Variants in OLFM3 observed in about 807,000 individuals in gnomAD.
The protein encoded by OLFM3 is olfactomedin 3, also known as noelin-3.
A neutral mutation model predicts 48.6 loss-of-function variants in OLFM3; 20 were observed. The ratio of observed to expected loss-of-function variants is 0.41; its 90% CI spans 0.29 to 0.60. The LOEUF is 0.60. OLFM3 is among the 20% of genes least tolerant of loss of function. The pLI, the probability that OLFM3 is intolerant of heterozygous loss-of-function variation, is 0.28. For synonymous variants in OLFM3, 222 were observed against 198.1 expected (o/e 1.12, Z -1.01); for missense variants, 437 against 544.3 (o/e 0.80, Z 1.96).
At chr1:101,925,626 C>T (rs908623165) in intron 1 of OLFM3, among the ~76,000 whole-genome samples, 6 of 152,066 alleles carry the variant, frequency 3.9e-5, no homozygotes, top group African/African-American at 1.4e-4. Context: ...TCAAGAAATT[C>T]TCCTGCTTCA....
intron 1 of OLFM3, among the ~76,000 whole-genome samples, chr1:101,849,708 G>A (rs1656150671): frequency 6.6e-6 from 1 of 152,158 alleles, no homozygotes; most frequent in African/African-American, 2.4e-5. Context: ...TGTCAGTGAG[G>A]TTCAAAAGGA....
intron 1 of OLFM3, among the ~76,000 whole-genome samples, chr1:101,931,019 C>T (rs1230301165): frequency 1.3e-5 from 2 of 152,134 alleles, no homozygotes; most frequent in Non-Finnish European, 2.9e-5. Context: ...TTAATGGTGA[C>T]ATATACTCAC....
In OLFM3 at chr1:101,982,813, A is replaced by G. The variant is rs575855537; in HGVS notation, c.69+13935T>C. 3.3e-5 allele frequency among the ~76,000 whole-genome samples: 5 copies of G among 152,228 alleles called. No individual in the cohort carries two copies. In the South Asian group the frequency reaches 8.3e-4, roughly 25 times the overall value. ...GAACTATACCCTCTCCTTGGTGTCC[A>G]GCTTGCTAAATGAAGATCTGGGACT... On this transcript the variant is annotated intron_variant, in intron 1 of 5. Transcript: ENST00000370103.
intron 1 of OLFM3, among the ~76,000 whole-genome samples, chr1:101,906,554 A>G (rs768787954): frequency 6.6e-6 from 1 of 152,192 alleles, no homozygotes; most frequent in Non-Finnish European, 1.5e-5. Flanking sequence ...ATTTTAGCTT[A>G]GTAATCTTTT....
chr1:101,951,724 T>C (rs1459735582), intron 1 of OLFM3, among the ~76,000 whole-genome samples: 1 of 152,168 alleles, frequency 6.6e-6, no homozygotes, highest in African/African-American at 2.4e-5. Context: ...ATATTTTGCA[T>C]CTATAAAGGT....
chr1:101,908,350 G>C (rs1285643155), intron 1 of OLFM3, among the ~76,000 whole-genome samples: 1 of 152,178 alleles, frequency 6.6e-6, no homozygotes, highest in Non-Finnish European at 1.5e-5. Context: ...GCATTATGAG[G>C]AACAGTCCAA....
chr1:101,923,201 C>A (rs761847143), intron 1 of OLFM3, among the ~76,000 whole-genome samples: 1 of 152,122 alleles, frequency 6.6e-6, no homozygotes, highest in African/African-American at 2.4e-5. Flanking sequence ...ACCTGATTGC[C>A]CCAATGCATG....
intron 1 of OLFM3, among the ~76,000 whole-genome samples, chr1:101,905,714 T>G (rs897164389): frequency 2.0e-5 from 3 of 152,142 alleles, no homozygotes; most frequent in Non-Finnish European, 4.4e-5. Flanking sequence ...TGGTCATTAA[T>G]GCCTGAAATC....
At chr1:101,919,049 T>A (rs1659012365) in intron 1 of OLFM3, among the ~76,000 whole-genome samples, 1 of 152,142 alleles carries the variant, frequency 6.6e-6, no homozygotes, top group Non-Finnish European at 1.5e-5. Flanking sequence ...CTGTTACATA[T>A]CAACCACCTA....
intron 1 of OLFM3, among the ~76,000 whole-genome samples, chr1:101,924,099 T>G (rs1325076099): frequency 1.3e-5 from 2 of 152,194 alleles, no homozygotes; most frequent in African/African-American, 4.8e-5. Flanking sequence ...CTCCACAGTC[T>G]TCAGTGAAAA....
intron 1 of OLFM3, among the ~76,000 whole-genome samples, chr1:101,926,651 G>T (rs1054761466): frequency 6.6e-6 from 1 of 152,110 alleles, no homozygotes; most frequent in African/African-American, 2.4e-5. Context: ...GAATTTTTAG[G>T]CTCCTCCCTG....
intron 1 of OLFM3, among the ~76,000 whole-genome samples, chr1:101,906,110 T>G (rs1658542472): frequency 6.6e-6 from 1 of 152,138 alleles, no homozygotes; most frequent in Non-Finnish European, 1.5e-5. Context: ...AAACTGAAGA[T>G]GTTTCCTTGA....
intron 1 of OLFM3, among the ~76,000 whole-genome samples, chr1:101,866,872 T>C (rs1413307407): frequency 6.6e-6 from 1 of 152,164 alleles, no homozygotes; most frequent in Non-Finnish European, 1.5e-5. Context: ...TATTTATTGG[T>C]TTTACTACAT....
intron 1 of OLFM3, among the ~76,000 whole-genome samples, chr1:101,891,758 A>G (rs1312612102): frequency 1.3e-5 from 2 of 152,040 alleles, no homozygotes; most frequent in African/African-American, 4.8e-5. Flanking sequence ...ATGCAAAGCT[A>G]TCTACATTTA....
At chr1:101,861,382 G>C (rs140785475) in intron 1 of OLFM3, among the ~76,000 whole-genome samples, 1,945 of 152,308 alleles carry the variant, frequency 0.013, 142 homozygotes, top group Admixed American at 0.11. Context: ...ACTTTTGTCT[G>C]TCAGAAAGAA....
At chr1:101,928,996 G>A (rs544302838) in intron 1 of OLFM3, among the ~76,000 whole-genome samples, 9 of 152,222 alleles carry the variant, frequency 5.9e-5, no homozygotes, top group African/African-American at 2.2e-4. Context: ...TCTATGTAAA[G>A]AGCATGCATA....
Position 101,829,136 on chromosome 1 carries a change from C to T in OLFM3, c.372+1536G>A, listed in dbSNP as rs565425710. On this transcript the variant is annotated intron_variant, in intron 3 of 5. Transcript: ENST00000370103. ...TAATACATCCAGCAGAGGGGCCAAC[C>T]GCACCTTGTATATGGTATGTGCTCG... Among the ~76,000 whole-genome samples, 9 of 152,236 alleles carry T rather than the reference C, an allele frequency of 5.9e-5. No homozygotes were observed. In the South Asian group the frequency reaches 6.2e-4, roughly 11 times the overall value.
intron 1 of OLFM3, among the ~76,000 whole-genome samples, chr1:101,934,809 G>A (rs1176485728): frequency 6.6e-6 from 1 of 151,610 alleles, no homozygotes; most frequent in Non-Finnish European, 1.5e-5. Flanking sequence ...TCAATACTAA[G>A]AAAACCACTC....
At chr1:101,875,796 G>C (rs1386487874) in intron 1 of OLFM3, among the ~76,000 whole-genome samples, 1 of 151,992 alleles carries the variant, frequency 6.6e-6, no homozygotes, top group Non-Finnish European at 1.5e-5. Context: ...CTAACTTCCA[G>C]TAATCTTGCT....
Sources: gnomAD v4.1 joint callset for allele counts (sites outside exome capture counted in the v4.1 genomes callset) on GRCh38, gnomAD v4.1.1 for gene constraint, MANE v1.5 for transcripts, NCBI Gene and HGNC (gene_info 2026-07-23, HGNC 2026-07-21) for gene names.